ANKRD26: variants seen among roughly 807,000 people sequenced by gnomAD.
ANKRD26 encodes the protein ankyrin repeat domain 26.
ANKRD26 carries 141 observed loss-of-function variants against 208.7 expected under a neutral mutation model. That is an observed-to-expected ratio of 0.68 (90% CI 0.59 to 0.78). The LOEUF (loss-of-function observed/expected upper bound fraction) is 0.78, where lower values mean the gene tolerates loss of function less well. Ranked by LOEUF, ANKRD26 falls within the 30% of genes least tolerant of loss-of-function variation. ANKRD26 has a pLI of 0.00. For synonymous variants in ANKRD26, 636 were observed against 660.4 expected, an observed-to-expected ratio of 0.96 and a Z score of 0.57; for missense variants, 1,889 against 1,938.7, an observed-to-expected ratio of 0.97 and a Z score of 0.48.
At chr10:27,100,006 G>A (rs2056594898) in intron 1 of ANKRD26, 79 bp downstream of exon 1, 1 of 1,602,260 alleles carries the variant, frequency 6.2e-7, no homozygotes, top group Non-Finnish European at 8.5e-7. Context: ...CCAGGCCCTG[G>A]GTGGCTCCCA....
chr10:26,997,060 A>AT (rs1377903059), intron 4 of ANKRD26, among the ~76,000 whole-genome samples: 1 of 148,642 alleles, frequency 6.7e-6, no homozygotes, highest in Admixed American at 6.7e-5. Flanking sequence ...CCACCTTTTG[A>AT]TAAAAAAAAA....
chr10:27,085,819 A>G (rs183895444), intron 5 of ANKRD26, among the ~76,000 whole-genome samples: 76 of 152,248 alleles, frequency 5.0e-4, no homozygotes, highest in African/African-American at 1.7e-3. Context: ...CTTATTTCTC[A>G]GCCTACTCAA....
intron 4 of ANKRD26, among the ~76,000 whole-genome samples, chr10:27,090,762 G>C (rs1481747028): frequency 6.6e-6 from 1 of 152,166 alleles, no homozygotes; most frequent in Non-Finnish European, 1.5e-5. Flanking sequence ...CAGTCAGCTA[G>C]GGGTCAGATA....
rs769037236 is a variant in ANKRD26 at position 27,064,093 on chromosome 10, A to G, written c.1270-12T>C. 1 of 1,551,824 alleles carries G rather than the reference A, an allele frequency of 6.4e-7. No homozygotes were observed. The highest frequency in any genetic ancestry group is 1.1e-5 in the South Asian group (1 of 89,148). On this transcript the variant is annotated splice_polypyrimidine_tract_variant and intron_variant, in intron 11 of 33. Coordinates refer to ENST00000376087, the MANE Select transcript of ANKRD26 (RefSeq NM_014915.3). The stretch of plus-strand genomic sequence containing the variant: ...TTCTCAGAGATACTCTGTTAAAATT[A>G]GTATCAATAATGAGTTTCAATTTTA...
chr10:27,057,653 C>G (rs2054884384), intron 15 of ANKRD26, among the ~76,000 whole-genome samples: 1 of 152,028 alleles, frequency 6.6e-6, no homozygotes, highest in Non-Finnish European at 1.5e-5. Context: ...AAAATGATGG[C>G]CTTGGCCAGG....
chr10:27,043,210 A>C (rs1246356681), intron 20 of ANKRD26, among the ~76,000 whole-genome samples: 2 of 152,088 alleles, frequency 1.3e-5, no homozygotes, highest in African/African-American at 4.8e-5. Flanking sequence ...GTTAAGCCAC[A>C]AACTGGGAGA....
At chr10:26,954,385 C>T in the ANKRD26 span, among the ~76,000 whole-genome samples, 6 of 152,056 alleles carry the variant, frequency 3.9e-5, no homozygotes, top group African/African-American at 1.2e-4. Context: ...TGTTTCTGTG[C>T]TTTTTATTGA....
chr10:27,020,615 T>C (rs2053454318), intron 29 of ANKRD26, among the ~76,000 whole-genome samples: 1 of 152,202 alleles, frequency 6.6e-6, no homozygotes, highest in African/African-American at 2.4e-5. Context: ...ACTGACATGA[T>C]TTCATTCTTT....
intron 15 of ANKRD26, among the ~76,000 whole-genome samples, chr10:27,055,713 A>G (rs937792892): frequency 6.6e-6 from 1 of 152,186 alleles, no homozygotes; most frequent in East Asian, 1.9e-4. Context: ...GTGACAGACT[A>G]TGTGTACACA....
chr10:27,029,852 A>G (rs2053806153), intron 25 of ANKRD26, among the ~76,000 whole-genome samples: 1 of 152,162 alleles, frequency 6.6e-6, no homozygotes, highest in African/African-American at 2.4e-5. Context: ...TGAAACTGAG[A>G]GGCCGTATCC....
At position 27,037,951 on chromosome 10, in the gene ANKRD26, C is replaced by G; in HGVS notation, c.2479G>C (p.Val827Leu). 1 of 1,613,194 alleles carries G rather than the reference C, an allele frequency of 6.2e-7. No homozygotes were observed. Among genetic ancestry groups the G allele is most frequent in the Non-Finnish European group, 8.5e-7 (1 of 1,179,592 alleles). ...RRKEEQYRKE[V>L]EVKQQLELSL... The stretch of plus-strand genomic sequence containing the variant: ...AGTTCAAGCTGTTGTTTCACTTCAA[C>G]TTCTTTCCTATATTGCTCTTCTTTT... The change falls in exon 22 of 34, where the codon GTT (valine) becomes CTT (leucine). Residue 827 changes from valine (V) to leucine (L), a missense_variant. Val to Leu is a conservative substitution (Grantham distance 32). Coordinates refer to ENST00000376087, the MANE Select transcript of ANKRD26 (RefSeq NM_014915.3).
At chr10:26,991,972 G>A (rs1258821551) in exon 6 of ANKRD26, 3 of 152,170 alleles carry the variant, frequency 2.0e-5, no homozygotes, top group African/African-American at 7.2e-5. Flanking sequence ...GGTCAGCAGA[G>A]GGATGACTTT....
rs189211832 is a variant in ANKRD26, at chr10:27,091,829, A to C, written c.638+577T>G. ...TGATGAAACCCCATCTCTACTAAAAATACAAAAATTAGTCAGGTGTGGTGG... is the reference window on the plus strand; with the variant it reads ...TGATGAAACCCCATCTCTACTAAAACTACAAAAATTAGTCAGGTGTGGTGG... On this transcript the variant is annotated intron_variant, in intron 4 of 33. Coordinates refer to ENST00000376087, the MANE Select transcript of ANKRD26 (RefSeq NM_014915.3). Among the ~76,000 whole-genome samples, 212 of 152,262 alleles carry C rather than the reference A, an allele frequency of 1.4e-3. 1 individual carries two copies. The highest frequency in any genetic ancestry group is 4.8e-3 in the African/African-American group (201 of 41,538).
At chr10:27,028,758 G>C (rs2053763944) in intron 27 of ANKRD26, 94 bp downstream of exon 27, 2 of 1,020,704 alleles carry the variant, frequency 2.0e-6, no homozygotes, top group African/African-American at 3.2e-5. Flanking sequence ...AAACACTTCT[G>C]GTCTCAAGCA....
At chr10:27,005,773 T>C in intron 33 of ANKRD26, 50 bp from the exon 34 acceptor site, 4 of 1,571,982 alleles carry the variant, frequency 2.5e-6, no homozygotes, top group Non-Finnish European at 3.4e-6. Context: ...GATTTCATAG[T>C]TAACTAAGTG....
chr10:27,069,767 G>A (rs1170726768), intron 9 of ANKRD26, among the ~76,000 whole-genome samples: 2 of 152,054 alleles, frequency 1.3e-5, no homozygotes, highest in African/African-American at 4.8e-5. Context: ...CTGAAATTTT[G>A]AAAATGAAAA....
chr10:27,022,691 C>T lies in ANKRD26; in HGVS notation c.4086-4G>A, dbSNP rs370310542. On this transcript the variant is annotated splice_polypyrimidine_tract_variant and splice_region_variant and intron_variant, in intron 28 of 33. Transcript: ENST00000376087. ...CATTTTTAAGAGGTTCTTAAATCTG[C>T]AGGAAGGTACAAAATGAGTAACTCA... 1,226 of 1,579,512 alleles carry T rather than the reference C, an allele frequency of 7.8e-4. 9 individuals are homozygous for T. Among genetic ancestry groups the T allele is most frequent in the Non-Finnish European group, 6.3e-5 (73 of 1,155,984 alleles).
rs2052909380 is a variant in ANKRD26, at chr10:27,006,978, T to C, written c.4954-16A>G. 3 of 1,583,166 alleles carry C rather than the reference T, an allele frequency of 1.9e-6. No individual in the cohort carries two copies. The highest frequency in any genetic ancestry group is 2.6e-6 in the Non-Finnish European group (3 of 1,153,556). ...CCTGCTGCATCTGAAAAAAGTCAAATGTTATTTATAATGTTTAAGTTAGAC... is the reference window on the plus strand; with the variant it reads ...CCTGCTGCATCTGAAAAAAGTCAAACGTTATTTATAATGTTTAAGTTAGAC... On this transcript the variant is annotated splice_polypyrimidine_tract_variant and intron_variant, in intron 32 of 33. Coordinates refer to ENST00000376087, the MANE Select transcript of ANKRD26 (RefSeq NM_014915.3).
At chr10:27,067,134 T>C (rs1368562613) in intron 10 of ANKRD26, 23 bp downstream of exon 10, 1 of 1,609,658 alleles carries the variant, frequency 6.2e-7, no homozygotes, top group Admixed American at 1.7e-5. Context: ...TAGAAAAATA[T>C]TCAGAGATAT....
Sources: gnomAD v4.1 joint callset for allele counts (sites outside exome capture counted in the v4.1 genomes callset) on GRCh38, gnomAD v4.1.1 for gene constraint, MANE v1.5 for transcripts, NCBI Gene and HGNC (gene_info 2026-07-23, HGNC 2026-07-21) for gene names.